The following TMEM45B variants were observed in gnomAD, a reference collection of about 807,000 sequenced individuals.
The protein encoded by TMEM45B is transmembrane protein 45B.
In TMEM45B, 29 loss-of-function variants were observed where a neutral mutation model predicts 27.3. That is an observed-to-expected ratio of 1.06 (90% CI 0.79 to 1.45). The LOEUF is 1.45. Ranked by LOEUF, TMEM45B falls within the 40% of genes most tolerant of loss-of-function variation. The pLI is 0.00. For synonymous variants in TMEM45B, 143 were observed against 134.7 expected (o/e 1.06, Z -0.43); for missense variants, 348 against 343.9 (o/e 1.01, Z -0.09).
chr11:129,855,663 G>A (rs1947911552), intron 3 of TMEM45B, 45 bp from the exon 4 acceptor site: 11 of 1,608,030 alleles, frequency 6.8e-6, no homozygotes, highest in Middle Eastern at 1.7e-4. Flanking sequence ...CGGTGATGGT[G>A]AAAGCCAAGC....
rs1947344909 is a variant in TMEM45B, at chr11:129,815,948, G to A, written c.-9+50G>A. On this transcript the variant is annotated intron_variant, in intron 1 of 5. Transcript: ENST00000281441. ...GCTCGAACCTGGAGGAGGGCTCGAA[G>A]GGAGAGGGGGCCCCGCCAAGGAGCG... The A allele has an allele frequency of 2.4e-6, 3 of 1,264,762 alleles. No individual in the cohort carries two copies. The East Asian group carries it at 9.4e-5, about 40-fold the overall frequency. 78.3% of individuals were successfully genotyped at this position (1,264,762 alleles called of 1,614,324 possible). A position where few individuals can be genotyped will look rare whatever the true frequency, so the allele number is the denominator to read the frequency against.
chr11:129,818,304 A>G (rs1693982393), intron 1 of TMEM45B, among the ~76,000 whole-genome samples: 1 of 152,252 alleles, frequency 6.6e-6, no homozygotes, highest in Admixed American at 6.5e-5. Context: ...TAAAAGGTCT[A>G]TCAGCCTTCT....
At position 129,859,593 on chromosome 11, in the gene TMEM45B, G is replaced by A. The variant is rs1019594571; in HGVS notation, c.*908G>A. ...CCTAGCACTTTGGGAGGCCGAGGCAGGCAGATCACGGGGTCAGGAGATCAA... is the reference window on the plus strand; with the variant it reads ...CCTAGCACTTTGGGAGGCCGAGGCAAGCAGATCACGGGGTCAGGAGATCAA... On this transcript the variant is annotated 3_prime_UTR_variant, in exon 6 of 6. Coordinates refer to ENST00000281441, the MANE Select transcript of TMEM45B (RefSeq NM_138788.5). The A allele has an allele frequency of 2.0e-5, 3 of 152,188 alleles. No individual in the cohort carries two copies. The highest frequency in any genetic ancestry group is 7.2e-5 in the African/African-American group (3 of 41,416). 9.4% of individuals were successfully genotyped at this position (152,188 alleles called of 1,614,324 possible).
chr11:129,826,657 G>A (rs1361935527), intron 1 of TMEM45B, among the ~76,000 whole-genome samples: 8 of 151,260 alleles, frequency 5.3e-5, no homozygotes, highest in African/African-American at 1.9e-4. Context: ...CTGACTCAGT[G>A]GCCAGTGTTC....
chr11:129,836,351 T>C (rs1181813272), intron 1 of TMEM45B, among the ~76,000 whole-genome samples: 3 of 152,174 alleles, frequency 2.0e-5, no homozygotes, highest in Non-Finnish European at 4.4e-5. Context: ...GTTTAGACGA[T>C]ACTTACATGA....
chr11:129,824,910 G>C (rs1023776012), intron 1 of TMEM45B, among the ~76,000 whole-genome samples: 4 of 152,152 alleles, frequency 2.6e-5, no homozygotes, highest in African/African-American at 9.7e-5. Flanking sequence ...AAAAGGACGT[G>C]CAATTTAGAG....
Position 129,826,151 on chromosome 11 carries a change from A to G in TMEM45B, c.-9+10253A>G, listed in dbSNP as rs372706810. Among the ~76,000 whole-genome samples the G allele has an allele frequency of 7.9e-5, 12 of 152,074 alleles. 1 individual carries two copies. The East Asian group carries it at 1.7e-3, about 22-fold the overall frequency. On this transcript the variant is annotated intron_variant, in intron 1 of 5. Coordinates refer to ENST00000281441, the MANE Select transcript of TMEM45B (RefSeq NM_138788.5). ...TTCTCCATGACCAAAACTTGCTCCA[A>G]CTTCTGCATTTCGTTTTTGTGATGT...
chr11:129,855,727 C>T lies in TMEM45B; in HGVS notation c.405C>T (p.His135=), dbSNP rs769553545. ...TGGCAGGTTTCCTCTTCTACTACCA[C>T]GTCCACAACCGGCCTCCGCTGGACC... ...VFMEGFLFYY[H]VHNRPPLDQH... is the part of the protein sequence containing the mutation. The change falls in exon 4 of 6, where the codon CAC becomes CAT. Residue 135 remains histidine (H), a synonymous_variant. Coordinates refer to ENST00000281441, the MANE Select transcript of TMEM45B (RefSeq NM_138788.5). 7 of 1,614,152 alleles carry T rather than the reference C, an allele frequency of 4.3e-6. No homozygotes were observed. The highest frequency in any genetic ancestry group is 1.3e-5 in the African/African-American group (1 of 75,038).
rs750110512 is a variant in TMEM45B at position 129,857,348 on chromosome 11, C to T, written c.606C>T (p.Pro202=). The T allele has an allele frequency of 5.6e-6, 9 of 1,614,068 alleles. No individual in the cohort carries two copies. In the Admixed American group the frequency reaches 1.2e-4, roughly 21 times the overall value. ...GFVLFPPFGT[P]EWDQKDDANL... is the part of the protein sequence containing the mutation. ...TGCTGTTCCCACCTTTTGGAACACC[C>T]GAATGGGACCAGAAGGATGATGCCA... The change falls in exon 5 of 6, where the codon CCC becomes CCT. Residue 202 remains proline, a synonymous_variant. Coordinates refer to ENST00000281441, the MANE Select transcript of TMEM45B (RefSeq NM_138788.5).
rs368194965 is a variant in TMEM45B, at chr11:129,858,635, T to G, written c.778T>G (p.Ser260Ala). The stretch of plus-strand genomic sequence containing the variant: ...AATCATTGGAATTCAGAAGCTGAAT[T>G]CAGATGACACTTACCAGACCGCCCT... The part of the protein sequence containing the change: ...GEIIGIQKLN[S>A]DDTYQTALLS... Residue 260 changes from serine to alanine, a missense_variant, in exon 6 of 6, where the codon TCA (serine) becomes GCA (alanine). Ser to Ala is a moderately conservative substitution (Grantham distance 99, BLOSUM62 1). Coordinates refer to ENST00000281441, the MANE Select transcript of TMEM45B (RefSeq NM_138788.5). 14 of 1,583,406 alleles carry G rather than the reference T, an allele frequency of 8.8e-6. No homozygotes were observed. The African/African-American group carries it at 1.2e-4, about 14-fold the overall frequency.
intron 1 of TMEM45B, among the ~76,000 whole-genome samples, chr11:129,841,439 G>A (rs1322139832): frequency 6.6e-6 from 1 of 152,096 alleles, no homozygotes; most frequent in African/African-American, 2.4e-5. Context: ...CGCATCCCTG[G>A]CTGACTGAAA....
At chr11:129,832,040 T>C (rs1947553969) in intron 1 of TMEM45B, among the ~76,000 whole-genome samples, 1 of 111,390 alleles carries the variant, frequency 9.0e-6, no homozygotes. Context: ...CACTCCAGCC[T>C]GGGCGACAGA....
At chr11:129,827,040 C>T (rs1272250044) in intron 1 of TMEM45B, 2 of 152,352 alleles carry the variant, frequency 1.3e-5, no homozygotes, top group East Asian at 3.9e-4. Context: ...GCAAAACTGC[C>T]TAATTTTCAT....
At chr11:129,855,301 C>G (rs547422549) in intron 3 of TMEM45B, among the ~76,000 whole-genome samples, 1 of 152,266 alleles carries the variant, frequency 6.6e-6, no homozygotes, top group East Asian at 1.9e-4. Flanking sequence ...ACTCCACTGC[C>G]AGGGGAGCGC....
chr11:129,844,070 CA>C lies in TMEM45B; in HGVS notation c.-8-8397del, dbSNP rs917167776. Among the ~76,000 whole-genome samples the C allele has an allele frequency of 3.3e-5, 5 of 151,024 alleles. No homozygotes were observed. In the South Asian group the frequency reaches 6.3e-4, roughly 19 times the overall value. On this transcript the variant is annotated intron_variant, in intron 1 of 5. Coordinates refer to ENST00000281441, the MANE Select transcript of TMEM45B (RefSeq NM_138788.5). ...AAGTGTTCACTGATTGATGAATGGA[CA>C]AAAAAAATGTGGTGTATATATATAT...
At chr11:129,828,279 T>C (rs188054086) in intron 1 of TMEM45B, 4 of 152,342 alleles carry the variant, frequency 2.6e-5, no homozygotes, top group African/African-American at 9.6e-5. Context: ...TTCATAGTAA[T>C]TGTATTCCAT....
intron 1 of TMEM45B, among the ~76,000 whole-genome samples, chr11:129,817,710 G>A (rs965187529): frequency 6.6e-6 from 1 of 152,120 alleles, no homozygotes; most frequent in African/African-American, 2.4e-5. Flanking sequence ...TGTGATGGTC[G>A]AGGTAATTGA....
intron 1 of TMEM45B, among the ~76,000 whole-genome samples, chr11:129,841,845 G>A (rs1190856367): frequency 1.3e-5 from 2 of 151,994 alleles, no homozygotes; most frequent in South Asian, 2.1e-4. Context: ...TGATCCACCC[G>A]CCTCGGCCTC....
chr11:129,856,732 TG>T (rs1362710928), intron 4 of TMEM45B, among the ~76,000 whole-genome samples: 1 of 151,580 alleles, frequency 6.6e-6, no homozygotes, highest in Non-Finnish European at 1.5e-5. Context: ...GCTAATTTTT[TG>T]TATTTTTAGT....
Sources: allele counts gnomAD v4.1 joint callset (sites outside exome capture counted in the v4.1 genomes callset), GRCh38; gene constraint gnomAD v4.1.1; transcripts MANE v1.5; gene names NCBI Gene and HGNC (gene_info 2026-07-23, HGNC 2026-07-21).